SLC17A8: variants seen among roughly 807,000 people sequenced by gnomAD.
SLC17A8 encodes the protein vesicular glutamate transporter 3.
SLC17A8 carries 31 observed loss-of-function variants against 58.0 expected under a neutral mutation model. That is an observed-to-expected ratio of 0.53 (90% CI 0.40 to 0.72). The LOEUF (loss-of-function observed/expected upper bound fraction) is 0.72, where lower values mean the gene tolerates loss of function less well. Among genes scored for constraint, SLC17A8 ranks in the 30% least tolerant of loss-of-function variants. The probability of loss-of-function intolerance (pLI) is 0.00; values close to 1 mark genes in which losing one functional copy is unlikely to be tolerated. For synonymous variants in SLC17A8, 228 were observed against 249.0 expected (o/e 0.92, Z 0.79); for missense variants, 655 against 727.8 (o/e 0.90, Z 1.15).
At chr12:100,366,081 G>A (rs965708543) in intron 1 of SLC17A8, among the ~76,000 whole-genome samples, 2 of 139,452 alleles carry the variant, frequency 1.4e-5, no homozygotes, top group East Asian at 4.2e-4. Flanking sequence ...TTTTTCAGGG[G>A]GTAGGCTGGT....
At chr12:100,365,164 C>A (rs1031440860) in intron 1 of SLC17A8, among the ~76,000 whole-genome samples, 1 of 152,154 alleles carries the variant, frequency 6.6e-6, no homozygotes, top group African/African-American at 2.4e-5. Flanking sequence ...CTGATAGAAC[C>A]TAGCTCCTGA....
chr12:100,421,658 G>GTTTT lies in SLC17A8; in HGVS notation c.*1518_*1521dup, dbSNP rs59689031. 5.5e-3 allele frequency: 607 copies of GTTTT among 109,568 alleles called. 8 individuals are homozygous for GTTTT. The highest frequency in any genetic ancestry group is 6.6e-3 in the Admixed American group (61 of 9,292). The allele number at this position is 109,568 out of a possible 1,614,324, so 6.8% of individuals were successfully genotyped here. A position where few individuals can be genotyped will look rare whatever the true frequency, so the allele number is the denominator to read the frequency against. ...TACTTGTAGCTTATTATTGTAAAGT[G>GTTTT]TTTTTTTTTTTTTTTTTTTTTTCTA... On this transcript the variant is annotated 3_prime_UTR_variant, in exon 12 of 12. Transcript: ENST00000323346.
chr12:100,389,143 A>G (rs2135993192), intron 2 of SLC17A8, among the ~76,000 whole-genome samples: 1 of 152,356 alleles, frequency 6.6e-6, no homozygotes, highest in South Asian at 2.1e-4. Context: ...GAATATGAGG[A>G]AAGGGATTCC....
At chr12:100,367,066 G>A (rs1174067776) in intron 1 of SLC17A8, among the ~76,000 whole-genome samples, 2 of 152,184 alleles carry the variant, frequency 1.3e-5, no homozygotes, top group Non-Finnish European at 2.9e-5. Context: ...AAGAGCAGGA[G>A]TATTCCTCAG....
intron 9 of SLC17A8, among the ~76,000 whole-genome samples, chr12:100,408,268 T>C (rs1224706471): frequency 6.6e-6 from 1 of 152,206 alleles, no homozygotes; most frequent in African/African-American, 2.4e-5. Flanking sequence ...TAAGACATGA[T>C]GTTCAATTCA....
At chr12:100,412,685 GGTTA>G (rs1952878150) in intron 9 of SLC17A8, 81 bp from the exon 10 acceptor site, 1 of 868,698 alleles carries the variant, frequency 1.2e-6, no homozygotes, top group Non-Finnish European at 2.0e-6. Context: ...TGGAATTATA[GGTTA>G]GTTCTTATTT....
intron 9 of SLC17A8, among the ~76,000 whole-genome samples, chr12:100,412,522 A>G (rs1476742661): frequency 6.6e-6 from 1 of 151,660 alleles, no homozygotes. Flanking sequence ...GCACATGTAT[A>G]CCTATGTAAT....
chr12:100,410,625 T>C, intron 9 of SLC17A8: 1 of 152,236 alleles, frequency 6.6e-6, no homozygotes. Flanking sequence ...ACCACTGCAC[T>C]CCAGTCTGGG....
At chr12:100,392,899 G>A (rs1952726581) in intron 3 of SLC17A8, among the ~76,000 whole-genome samples, 1 of 152,112 alleles carries the variant, frequency 6.6e-6, no homozygotes, top group African/African-American at 2.4e-5. Context: ...AGTCGGTGGG[G>A]AACCAGGCAG....
chr12:100,401,896 A>AAGT, intron 6 of SLC17A8, 33 bp downstream of exon 6: 1 of 1,546,000 alleles, frequency 6.5e-7, no homozygotes, highest in Non-Finnish European at 8.9e-7. Context: ...TTCACATGTG[A>AAGT]CTCATAGAGA....
At chr12:100,407,732 A>G (rs1952836930) in intron 9 of SLC17A8, among the ~76,000 whole-genome samples, 1 of 152,066 alleles carries the variant, frequency 6.6e-6, no homozygotes, top group African/African-American at 2.4e-5. Context: ...CAGCCTCCCG[A>G]GTAGCTGGGA....
At chr12:100,384,234 A>T (rs1952657343) in intron 2 of SLC17A8, among the ~76,000 whole-genome samples, 1 of 152,174 alleles carries the variant, frequency 6.6e-6, no homozygotes, top group Non-Finnish European at 1.5e-5. Flanking sequence ...ACCTTGAATA[A>T]GTTGCCCTTG....
intron 4 of SLC17A8, among the ~76,000 whole-genome samples, chr12:100,396,064 G>A (rs966363544): frequency 6.6e-6 from 1 of 152,160 alleles, no homozygotes; most frequent in Non-Finnish European, 1.5e-5. Context: ...GCTCTCTGGA[G>A]TTTCTTTTAT....
At chr12:100,374,429 C>T (rs1372770758) in intron 1 of SLC17A8, among the ~76,000 whole-genome samples, 11 of 152,054 alleles carry the variant, frequency 7.2e-5, no homozygotes, top group Non-Finnish European at 2.9e-5. Flanking sequence ...CTGGCCAACA[C>T]GCTGAAACCC....
intron 1 of SLC17A8, among the ~76,000 whole-genome samples, chr12:100,369,326 TC>T (rs1364841015): frequency 1.3e-5 from 2 of 152,148 alleles, no homozygotes; most frequent in Non-Finnish European, 2.9e-5. Context: ...TGTTCAGACT[TC>T]CTGGAAGGAT....
chr12:100,417,922 A>T, intron 10 of SLC17A8, 107 bp from the exon 11 acceptor site: 1 of 1,416,286 alleles, frequency 7.1e-7, no homozygotes, highest in Non-Finnish European at 9.9e-7. Context: ...GTCATATACT[A>T]GAGGAAACCA....
intron 1 of SLC17A8, among the ~76,000 whole-genome samples, chr12:100,365,096 G>A (rs1952510997): frequency 1.3e-5 from 2 of 152,168 alleles, no homozygotes; most frequent in Non-Finnish European, 2.9e-5. Flanking sequence ...GGCCCTGCTG[G>A]TGTTAGATTC....
At chr12:100,385,474 G>C (rs1472987577) in intron 2 of SLC17A8, among the ~76,000 whole-genome samples, 1 of 152,038 alleles carries the variant, frequency 6.6e-6, no homozygotes, top group Non-Finnish European at 1.5e-5. Context: ...CTGACTTCAG[G>C]TGATCTGTCC....
intron 2 of SLC17A8, among the ~76,000 whole-genome samples, chr12:100,388,660 G>C (rs757315108): frequency 6.6e-6 from 1 of 152,222 alleles, no homozygotes; most frequent in African/African-American, 2.4e-5. Context: ...AGCACAGGAC[G>C]AACGTTGAAC....
Sources: allele counts gnomAD v4.1 joint callset (sites outside exome capture counted in the v4.1 genomes callset), GRCh38; gene constraint gnomAD v4.1.1; transcripts MANE v1.5; gene names NCBI Gene and HGNC (gene_info 2026-07-23, HGNC 2026-07-21).